LMCD1: variants seen among roughly 807,000 people sequenced by gnomAD.
The protein encoded by LMCD1 is LIM and cysteine rich domains 1, also known as LIM and cysteine-rich domains protein 1.
In LMCD1, 32 loss-of-function variants were observed where a neutral mutation model predicts 42.7. The ratio of observed to expected loss-of-function variants is 0.75; its 90% CI spans 0.57 to 1.01. LMCD1 has a LOEUF of 1.01. Among genes scored for constraint, LMCD1 ranks in the 50% least tolerant of loss-of-function variants. The pLI, the probability that LMCD1 is intolerant of heterozygous loss-of-function variation, is 0.00. For synonymous variants in LMCD1, 178 were observed against 184.9 expected (o/e 0.96, Z 0.30); for missense variants, 458 against 483.1 (o/e 0.95, Z 0.49).
At position 8,537,407 on chromosome 3, in the gene LMCD1, C is replaced by T. The variant is rs139605755; in HGVS notation, c.354C>T (p.Tyr118=). ...ATCCCACTTTTGACACCATCACCTA[C>T]GAGTGGGCTCCCCCTGGAGTCACCC... ...GKDPTFDTIT[Y]EWAPPGVTQK... The change falls in exon 3 of 6, where the codon TAC becomes TAT. Residue 118 remains tyrosine, a synonymous_variant. Transcript: ENST00000157600. 14,172 of 1,606,354 alleles carry T rather than the reference C, an allele frequency of 8.8e-3. 82 individuals carry two copies. Among genetic ancestry groups the T allele is most frequent in the Non-Finnish European group, 0.01 (12,181 of 1,174,282 alleles).
intron 3 of LMCD1, among the ~76,000 whole-genome samples, chr3:8,541,646 T>C (rs892679110): frequency 2.0e-5 from 3 of 152,220 alleles, no homozygotes; most frequent in Non-Finnish European, 4.4e-5. Flanking sequence ...CTAAAGGTTA[T>C]GGGAACAAGA....
rs77607318 is a variant in LMCD1 at position 8,508,116 on chromosome 3, G to A, written c.42+6136G>A. ...TCCAGAAGGCTAATGGACATCTCCC[G>A]GCAGAAGACTAGTAGAGAGACCTTT... On this transcript the variant is annotated intron_variant, in intron 1 of 5. Transcript: ENST00000157600. 6.3e-3 allele frequency among the ~76,000 whole-genome samples: 957 copies of A among 152,120 alleles called. 7 individuals carry two copies. Among genetic ancestry groups the A allele is most frequent in the Non-Finnish European group, 8.0e-3 (545 of 68,012 alleles).
chr3:8,515,488 A>G (rs985906804), intron 1 of LMCD1, among the ~76,000 whole-genome samples: 1 of 152,186 alleles, frequency 6.6e-6, no homozygotes, highest in African/African-American at 2.4e-5. Flanking sequence ...GCCCTGAAGC[A>G]TCTACAGTGG....
Position 8,539,971 on chromosome 3 carries a change from C to G in LMCD1, c.387+2531C>G, listed in dbSNP as rs57882371. ...TATTCTCCTAATGCTATCCCTCCCC[C>G]AGGCCCCCACCCCACCACAGGCCCC... is the stretch of plus-strand genomic sequence containing the variant. On this transcript the variant is annotated intron_variant, in intron 3 of 5. Coordinates refer to ENST00000157600, the MANE Select transcript of LMCD1 (RefSeq NM_014583.4). Among the ~76,000 whole-genome samples, 1,162 of 145,358 alleles carry G rather than the reference C, an allele frequency of 8.0e-3. 16 individuals carry two copies. The highest frequency in any genetic ancestry group is 0.028 in the African/African-American group (1,128 of 40,890).
chr3:8,511,552 G>C (rs9818672), intron 1 of LMCD1, among the ~76,000 whole-genome samples: 2 of 151,956 alleles, frequency 1.3e-5, no homozygotes, highest in Non-Finnish European at 2.9e-5. Context: ...CAAGAAAGGC[G>C]TCCCAAAGAG....
At chr3:8,565,114 A>G (rs1695103108) in intron 4 of LMCD1, among the ~76,000 whole-genome samples, 1 of 152,200 alleles carries the variant, frequency 6.6e-6, no homozygotes, top group African/African-American at 2.4e-5. Flanking sequence ...TCTTATGGTA[A>G]ATATCAATAG....
chr3:8,520,493 G>T (rs1694182715), intron 1 of LMCD1, among the ~76,000 whole-genome samples: 1 of 152,190 alleles, frequency 6.6e-6, no homozygotes, highest in Non-Finnish European at 1.5e-5. Context: ...AGGAAAGGCA[G>T]GGTGGGAGGG....
rs76207580 is a variant in LMCD1, at chr3:8,563,289, C to G, written c.724-2143C>G. Among the ~76,000 whole-genome samples the G allele has an allele frequency of 7.6e-3, 1,165 of 152,306 alleles. 13 individuals are homozygous for G. The highest frequency in any genetic ancestry group is 0.027 in the African/African-American group (1,132 of 41,568). On this transcript the variant is annotated intron_variant, in intron 4 of 5. Transcript: ENST00000157600. ...GAGGTCAGAGAAGATTTCCCAGAACCAAAGATCTTTAAGTCTCACATCTGA... is the reference window on the plus strand; with the variant it reads ...GAGGTCAGAGAAGATTTCCCAGAACGAAAGATCTTTAAGTCTCACATCTGA...
intron 4 of LMCD1, among the ~76,000 whole-genome samples, chr3:8,552,816 G>A (rs920550239): frequency 5.9e-5 from 9 of 152,070 alleles, no homozygotes; most frequent in Non-Finnish European, 8.8e-5. Context: ...CTCCGCCTCC[G>A]AGGTTCACGC....
At chr3:8,519,757 A>G (rs2125015523) in intron 1 of LMCD1, among the ~76,000 whole-genome samples, 1 of 152,090 alleles carries the variant, frequency 6.6e-6, no homozygotes, top group Non-Finnish European at 1.5e-5. Context: ...AAAAAAAAGA[A>G]AAGAAAAGAA....
At chr3:8,524,620 G>A (rs539723236) in intron 1 of LMCD1, among the ~76,000 whole-genome samples, 7 of 152,188 alleles carry the variant, frequency 4.6e-5, no homozygotes, top group Admixed American at 6.5e-5. Context: ...CAGCCTTATT[G>A]AGGTATAACT....
intron 3 of LMCD1, among the ~76,000 whole-genome samples, chr3:8,545,353 A>C (rs148750773): frequency 4.2e-3 from 646 of 152,312 alleles, no homozygotes; most frequent in Non-Finnish European, 7.4e-3. Context: ...CACCATTCTG[A>C]TCAAGAATGT....
rs564920697 is a variant in LMCD1 at position 8,564,262 on chromosome 3, ATATTAT to A, written c.724-1156_724-1151del. Reference sequence around the variant, plus strand: ...TTTCTGTAACTCTAGAACTACTCAAATATTATTATTATTATTATTTGAGACAAGGTC... The same window carrying A: ...TTTCTGTAACTCTAGAACTACTCAAATATTATTATTATTTGAGACAAGGTC... On this transcript the variant is annotated intron_variant, in intron 4 of 5. Transcript: ENST00000157600. 3.3e-5 allele frequency among the ~76,000 whole-genome samples: 5 copies of A among 151,860 alleles called. No individual in the cohort carries two copies. The East Asian group carries it at 5.8e-4, about 18-fold the overall frequency.
intron 4 of LMCD1, among the ~76,000 whole-genome samples, chr3:8,562,190 G>A (rs1371092277): frequency 6.6e-6 from 1 of 152,128 alleles, no homozygotes; most frequent in African/African-American, 2.4e-5. Flanking sequence ...TTCTGAGCAG[G>A]CCAGTGAAAA....
chr3:8,550,709 C>G (rs928606852), intron 4 of LMCD1: 28 of 976,412 alleles, frequency 2.9e-5, no homozygotes, highest in Non-Finnish European at 3.3e-5. Context: ...ATCTAGTTAC[C>G]ATGGTCTATA....
At position 8,532,794 on chromosome 3, in the gene LMCD1, A is replaced by G; in HGVS notation, c.100A>G (p.Thr34Ala). The G allele has an allele frequency of 1.2e-6, 2 of 1,613,702 alleles. No individual in the cohort carries two copies. Among genetic ancestry groups the G allele is most frequent in the Non-Finnish European group, 8.5e-7 (1 of 1,179,862 alleles). Reference sequence around the variant, plus strand: ...TGTGGCATGTTTGGGATGCAAGGGGACGTGTTCGGGCTTCGAGCCACATTC... The same window carrying G: ...TGTGGCATGTTTGGGATGCAAGGGGGCGTGTTCGGGCTTCGAGCCACATTC... ...RGVACLGCKG[T>A]CSGFEPHSWR... is the part of the protein sequence containing the mutation. Residue 34 changes from threonine to alanine, a missense_variant, in exon 2 of 6, where the codon ACG becomes GCG. By Grantham distance (58) the Thr-to-Ala change is moderately conservative (BLOSUM62 0). Transcript: ENST00000157600.
chr3:8,517,068 T>G (rs1694114383), intron 1 of LMCD1, among the ~76,000 whole-genome samples: 1 of 152,198 alleles, frequency 6.6e-6, no homozygotes, highest in Admixed American at 6.5e-5. Context: ...GTTACATACT[T>G]AGTCATGGTG....
In LMCD1 at chr3:8,548,768, G is replaced by A; in HGVS notation, c.588G>A (p.Val196=). Residue 196 remains valine (V), a synonymous_variant, in exon 4 of 6, where the codon GTG becomes GTA. Transcript: ENST00000157600. ...VKQYKSEALG[V]GEVALPGQGG... is the part of the protein sequence containing the mutation. ...AATATAAGAGCGAGGCCCTCGGCGT[G>A]GGAGAAGTGGCCCTCCCGGGGCAGG... 6.2e-7 allele frequency: 1 copy of A among 1,612,814 alleles called. No homozygotes were observed. Among genetic ancestry groups the A allele is most frequent in the South Asian group, 1.1e-5 (1 of 90,970 alleles).
intron 3 of LMCD1, 35 bp from the exon 4 acceptor site, chr3:8,548,533 A>G: frequency 6.8e-7 from 1 of 1,471,958 alleles, no homozygotes; most frequent in Non-Finnish European, 9.3e-7. Flanking sequence ...AGCCCCATCC[A>G]CATCATGTTG....
Sources: allele counts gnomAD v4.1 joint callset (sites outside exome capture counted in the v4.1 genomes callset), GRCh38; gene constraint gnomAD v4.1.1; transcripts MANE v1.5; gene names NCBI Gene and HGNC (gene_info 2026-07-23, HGNC 2026-07-21).